PEX3: variants seen among roughly 807,000 people sequenced by gnomAD.
PEX3 encodes the protein peroxisomal biogenesis factor 3.
PEX3 carries 30 observed loss-of-function variants against 55.8 expected under a neutral mutation model. That is an observed-to-expected ratio of 0.54 (90% CI 0.40 to 0.73). The LOEUF is 0.73. Ranked by LOEUF, PEX3 falls within the 30% of genes least tolerant of loss-of-function variation. The pLI is 0.00. For synonymous variants in PEX3, 135 were observed against 148.4 expected (o/e 0.91, Z 0.66); for missense variants, 351 against 432.8 (o/e 0.81, Z 1.68).
In PEX3 at chr6:143,489,327, G is replaced by T; in HGVS notation, c.*101G>T. ...GTAACAGTTTGTTATCAAAATGCCTGATAAAATATATTCTTAATAAAAGTC... is the reference window on the plus strand; with the variant it reads ...GTAACAGTTTGTTATCAAAATGCCTTATAAAATATATTCTTAATAAAAGTC... On this transcript the variant is annotated 3_prime_UTR_variant, in exon 12 of 12. Coordinates refer to ENST00000367591, the MANE Select transcript of PEX3 (RefSeq NM_003630.3). This position sits in a 1 kb window ranked among gnomAD's most constrained non-coding sequence, Gnocchi z 5.5. 1 of 722,788 alleles carries T rather than the reference G, an allele frequency of 1.4e-6. No individual in the cohort carries two copies. The allele number at this position is 722,788 out of a possible 1,614,324, so 44.8% of individuals were successfully genotyped here.
chr6:143,471,128 G>A lies in PEX3; in HGVS notation c.456+43G>A. ...AAATAGACATTGTTCTTTCCCTCAG[G>A]AGGTTCAAAGTTTAACTTATTTATC... On this transcript the variant is annotated intron_variant, in intron 5 of 11. Coordinates refer to ENST00000367591, the MANE Select transcript of PEX3 (RefSeq NM_003630.3). The surrounding 1 kb of genome is among the most constrained non-coding windows in gnomAD (Gnocchi z 5.4). 6.3e-7 allele frequency: 1 copy of A among 1,576,756 alleles called. No individual in the cohort carries two copies. The highest frequency in any genetic ancestry group is 8.7e-7 in the Non-Finnish European group (1 of 1,146,894).
chr6:143,456,543 G>A (rs1779848157), intron 1 of PEX3, among the ~76,000 whole-genome samples: 1 of 152,210 alleles, frequency 6.6e-6, no homozygotes, highest in African/African-American at 2.4e-5. Flanking sequence ...CTAAGATCAG[G>A]ATTGGTTCCT....
intron 10 of PEX3, among the ~76,000 whole-genome samples, chr6:143,484,439 A>G (rs1252732334): frequency 6.6e-6 from 1 of 152,078 alleles, no homozygotes; most frequent in African/African-American, 2.4e-5. Flanking sequence ...AATCTTTAGA[A>G]TATCTGATTG....
chr6:143,457,038 A>C (rs1003977652), intron 1 of PEX3, among the ~76,000 whole-genome samples: 1 of 152,230 alleles, frequency 6.6e-6, no homozygotes, highest in Non-Finnish European at 1.5e-5. Flanking sequence ...CCTTCTCCCC[A>C]GAGAAACACA....
At chr6:143,457,321 C>T (rs1779860604) in intron 1 of PEX3, among the ~76,000 whole-genome samples, 1 of 152,094 alleles carries the variant, frequency 6.6e-6, no homozygotes, top group Non-Finnish European at 1.5e-5. Flanking sequence ...GAAAGGTAGC[C>T]ATGTAGCCAC....
chr6:143,481,822 G>T (rs1780245943), intron 10 of PEX3, among the ~76,000 whole-genome samples: 1 of 151,956 alleles, frequency 6.6e-6, no homozygotes, highest in Non-Finnish European at 1.5e-5. Context: ...TTCAAGACCA[G>T]CCTGGGGAAT....
rs1780323385 is a variant in PEX3 at position 143,486,364 on chromosome 6, A to AGTG, written c.1038+1118_1038+1120dup. Reference sequence around the variant, plus strand: ...AGTAGGCTGTTCATTTTGACAGATGAGTGGAAATTACAACCAAGCATAAAG... The same window carrying AGTG: ...AGTAGGCTGTTCATTTTGACAGATGAGTGGTGGAAATTACAACCAAGCATAAAG... On this transcript the variant is annotated intron_variant, in intron 11 of 11. Transcript: ENST00000367591. This position sits in a 1 kb window ranked among gnomAD's most constrained non-coding sequence, Gnocchi z 5.0. Among the ~76,000 whole-genome samples the AGTG allele has an allele frequency of 6.6e-6, 1 of 152,138 alleles. No individual in the cohort carries two copies. Among genetic ancestry groups the AGTG allele is most frequent in the Non-Finnish European group, 1.5e-5 (1 of 68,008 alleles).
chr6:143,469,184 T>C (rs182037835), intron 4 of PEX3, among the ~76,000 whole-genome samples: 1 of 152,354 alleles, frequency 6.6e-6, no homozygotes, highest in East Asian at 1.9e-4. Flanking sequence ...CCTTTAGGTA[T>C]ATACCCAGTA....
rs1779797001 is a variant in PEX3 at position 143,453,084 on chromosome 6, CCACAAAGCA to C, written c.73+1972_73+1980del. 2.6e-5 allele frequency among the ~76,000 whole-genome samples: 4 copies of C among 152,268 alleles called. No individual in the cohort carries two copies. The highest frequency in any genetic ancestry group is 9.6e-5 in the African/African-American group (4 of 41,532). Reference sequence around the variant, plus strand: ...GGAATTCAAACCCAGGTGTGTTGGACCACAAAGCACATTCTATTTCCATATTATATCACT... The same window carrying C: ...GGAATTCAAACCCAGGTGTGTTGGACCATTCTATTTCCATATTATATCACT... On this transcript the variant is annotated intron_variant, in intron 1 of 11. Transcript: ENST00000367591. The surrounding 1 kb of genome is among the most constrained non-coding windows in gnomAD (Gnocchi z 4.6).
chr6:143,471,186 A>G lies in PEX3; in HGVS notation c.456+101A>G. On this transcript the variant is annotated intron_variant, in intron 5 of 11. Transcript: ENST00000367591. The surrounding 1 kb of genome is among the most constrained non-coding windows in gnomAD (Gnocchi z 5.4). ...CAATTTCTATGAAATAAATATTTTTATATTTCATGTGATTGTGAACTTTTA... is the reference window on the plus strand; with the variant it reads ...CAATTTCTATGAAATAAATATTTTTGTATTTCATGTGATTGTGAACTTTTA... 1.7e-6 allele frequency: 2 copies of G among 1,146,574 alleles called. No homozygotes were observed. Among genetic ancestry groups the G allele is most frequent in the East Asian group, 2.5e-5 (1 of 40,086 alleles). The allele number at this position is 1,146,574 out of a possible 1,614,324, so 71.0% of individuals were successfully genotyped here. A position where few individuals can be genotyped will look rare whatever the true frequency, so the allele number is the denominator to read the frequency against.
Position 143,466,257 on chromosome 6 carries a change from A to G in PEX3, c.288-1865A>G, listed in dbSNP as rs982360463. 1.3e-5 allele frequency among the ~76,000 whole-genome samples: 2 copies of G among 152,086 alleles called. No individual in the cohort carries two copies. Among genetic ancestry groups the G allele is most frequent in the African/African-American group, 2.4e-5 (1 of 41,456 alleles). On this transcript the variant is annotated intron_variant, in intron 3 of 11. Coordinates refer to ENST00000367591, the MANE Select transcript of PEX3 (RefSeq NM_003630.3). The surrounding 1 kb of genome is among the most constrained non-coding windows in gnomAD (Gnocchi z 5.4). ...ATATTAAATGGAAAATTCCAGAAAT[A>G]AACAATTCCTAAGCTTTCAGTTGTG...
chr6:143,450,834 C>T lies in PEX3; in HGVS notation c.-209C>T. 2 of 755,168 alleles carry T rather than the reference C, an allele frequency of 2.6e-6. No homozygotes were observed. Among genetic ancestry groups the T allele is most frequent in the South Asian group, 3.2e-5 (2 of 62,832 alleles). 46.8% of individuals were successfully genotyped at this position (755,168 alleles called of 1,614,324 possible). A position where few individuals can be genotyped will look rare whatever the true frequency, so the allele number is the denominator to read the frequency against. On this transcript the variant is annotated 5_prime_UTR_variant, in exon 1 of 12. Transcript: ENST00000367591. ...AGCGGCGGCGGCTGCGCGGCGGCAG[C>T]GGCAGAAAGCGTAGCTGCTTTGCTG...
chr6:143,475,884 A>G lies in PEX3; in HGVS notation c.818+1028A>G, dbSNP rs149374121. Reference sequence around the variant, plus strand: ...TTCATTCACTTAATTCATTTATCTCATTGAATTATTCATCAACTATGTATT... The same window carrying G: ...TTCATTCACTTAATTCATTTATCTCGTTGAATTATTCATCAACTATGTATT... On this transcript the variant is annotated intron_variant, in intron 9 of 11. Coordinates refer to ENST00000367591, the MANE Select transcript of PEX3 (RefSeq NM_003630.3). This position sits in a 1 kb window ranked among gnomAD's most constrained non-coding sequence, Gnocchi z 4.4. 1.7e-3 allele frequency among the ~76,000 whole-genome samples: 260 copies of G among 152,360 alleles called. 1 individual carries two copies. The highest frequency in any genetic ancestry group is 5.8e-3 in the African/African-American group (241 of 41,588).
At chr6:143,456,459 G>C (rs1251822986) in intron 1 of PEX3, among the ~76,000 whole-genome samples, 1 of 152,220 alleles carries the variant, frequency 6.6e-6, no homozygotes, top group Non-Finnish European at 1.5e-5. Flanking sequence ...ATTTTAGCCT[G>C]ATTTCCAAGT....
intron 10 of PEX3, among the ~76,000 whole-genome samples, chr6:143,480,216 A>C (rs1373460779): frequency 6.6e-6 from 1 of 152,234 alleles, no homozygotes; most frequent in Non-Finnish European, 1.5e-5. Flanking sequence ...TACAAAAATA[A>C]ATTTCAGCTC....
Position 143,470,219 on chromosome 6 carries a change from A to C in PEX3, c.332-742A>C, listed in dbSNP as rs572979033. ...CGCCTCGGCCTCCCAAAGTGCTGGG[A>C]TTACAGGCATAAGCCACCGTGCCTA... On this transcript the variant is annotated intron_variant, in intron 4 of 11. Transcript: ENST00000367591. 9.2e-5 allele frequency among the ~76,000 whole-genome samples: 14 copies of C among 152,274 alleles called. No individual in the cohort carries two copies. In the East Asian group the frequency reaches 2.5e-3, roughly 27 times the overall value.
In PEX3 at chr6:143,489,190, T is replaced by G. The variant is rs780837396; in HGVS notation, c.1086T>G (p.Tyr362Ter). 1 of 1,609,468 alleles carries G rather than the reference T, an allele frequency of 6.2e-7. No homozygotes were observed. Among genetic ancestry groups the G allele is most frequent in the East Asian group, 2.2e-5 (1 of 44,736 alleles). Residue 362 changes from tyrosine to a stop codon, truncating the protein, a stop_gained, in exon 12 of 12, where the codon TAT (tyrosine) becomes TAG (stop). Transcript: ENST00000367591. LOFTEE classifies it high-confidence loss of function. The surrounding 1 kb of genome is among the most constrained non-coding windows in gnomAD (Gnocchi z 5.5). ...TGAAAGACTTTGCTGCTAATGTGTA[T>G]GAAGCTTTTAGTACCCCTCAGCAAC... is the stretch of plus-strand genomic sequence containing the variant. ...EQVKDFAANV[Y>*]EAFSTPQQLE...
At chr6:143,457,927 C>T (rs547577346) in intron 1 of PEX3, among the ~76,000 whole-genome samples, 8 of 152,182 alleles carry the variant, frequency 5.3e-5, no homozygotes, top group African/African-American at 1.2e-4. Flanking sequence ...TTTGAACTAG[C>T]GGCTAAGGAT....
chr6:143,457,088 C>G (rs1174034732), intron 1 of PEX3, among the ~76,000 whole-genome samples: 1 of 152,168 alleles, frequency 6.6e-6, no homozygotes, highest in African/African-American at 2.4e-5. Flanking sequence ...AAATTCTTAG[C>G]TGTGCAAAAA....
Sources: gnomAD v4.1 joint callset for allele counts (sites outside exome capture counted in the v4.1 genomes callset) on GRCh38, gnomAD v4.1.1 for gene constraint, Gnocchi (gnomAD v3.1) non-coding constraint, MANE v1.5 for transcripts, NCBI Gene and HGNC (gene_info 2026-07-23, HGNC 2026-07-21) for gene names.